Variants in THADA observed in about 807,000 individuals in gnomAD.
THADA encodes the protein tRNA (32-2'-O)-methyltransferase regulator THADA.
In THADA, 213 loss-of-function variants were observed where a neutral mutation model predicts 219.8. The ratio of observed to expected loss-of-function variants is 0.97; its 90% confidence interval spans 0.87 to 1.09. THADA has a LOEUF of 1.09. Ranked by LOEUF, THADA falls within the 50% of genes least tolerant of loss-of-function variation. The pLI is 0.00. For synonymous variants in THADA, 1,018 were observed against 828.9 expected (o/e 1.23, Z -3.92); for missense variants, 2,956 against 2,311.3 (o/e 1.28, Z -5.72).
intron 35 of THADA, among the ~76,000 whole-genome samples, chr2:43,284,623 GA>G (rs1292685716): frequency 6.6e-6 from 1 of 152,216 alleles, no homozygotes; most frequent in African/African-American, 2.4e-5. Context: ...TATAGACGGG[GA>G]AATGTGGGGT....
intron 22 of THADA, among the ~76,000 whole-genome samples, chr2:43,511,428 CA>C (rs1429415154): frequency 2.6e-5 from 4 of 152,190 alleles, no homozygotes; most frequent in Non-Finnish European, 5.9e-5. Flanking sequence ...TAGAACATCT[CA>C]CTATGCATCA....
chr2:43,410,874 A>G (rs370465241), intron 28 of THADA, among the ~76,000 whole-genome samples: 24 of 152,190 alleles, frequency 1.6e-4, no homozygotes, highest in East Asian at 9.6e-4. Flanking sequence ...TTGTACCCCA[A>G]TAAAGTTGTT....
intron 31 of THADA, among the ~76,000 whole-genome samples, chr2:43,301,301 A>G (rs1676235778): frequency 6.6e-6 from 1 of 152,252 alleles, no homozygotes; most frequent in Non-Finnish European, 1.5e-5. Flanking sequence ...TCAAATAAAA[A>G]CACCAAAGGA....
At chr2:43,484,303 G>A (rs929586806) in intron 26 of THADA, 1 of 168,044 alleles carries the variant, frequency 6.0e-6, no homozygotes, top group Non-Finnish European at 1.5e-5. Context: ...TAATTCCTAA[G>A]ATTTAGTTCC....
At chr2:43,426,572 T>C (rs113293043) in intron 28 of THADA, among the ~76,000 whole-genome samples, 18 of 152,322 alleles carry the variant, frequency 1.2e-4, no homozygotes, top group African/African-American at 4.3e-4. Context: ...TAACTTTGTA[T>C]ATCAGGAAAC....
intron 10 of THADA, among the ~76,000 whole-genome samples, chr2:43,576,566 A>T (rs908115243): frequency 2.0e-5 from 3 of 152,364 alleles, no homozygotes; most frequent in Middle Eastern, 3.4e-3. Context: ...ACATATAAAA[A>T]TTTTTATAGT....
At chr2:43,569,696 A>G (rs1699086665) in intron 14 of THADA, among the ~76,000 whole-genome samples, 1 of 149,228 alleles carries the variant, frequency 6.7e-6, no homozygotes, top group African/African-American at 2.5e-5. Flanking sequence ...TAATCTATTA[A>G]TCTACCTCTT....
chr2:43,503,804 T>TAA (rs1689319741), intron 24 of THADA, among the ~76,000 whole-genome samples: 1 of 152,118 alleles, frequency 6.6e-6, no homozygotes. Context: ...AAATGATCAC[T>TAA]AAAATGCCAT....
rs1178915152 is a variant in THADA, at chr2:43,574,418, G to T, written c.1647C>A (p.Tyr549Ter). ...LDQKSYVIDYYLPKLLSYSPE... is the reference protein window; with the variant it reads ...LDQKSYVIDY The stretch of plus-strand genomic sequence containing the variant: ...GGCTGTAACTTAATAATTTTGGCAA[G>T]TAATAATCAATCACGTAAGATTTTT... The change falls in exon 11 of 38, where the codon TAC becomes TAA. Residue 549 changes from tyrosine to a stop codon, truncating the protein, a stop_gained. Coordinates refer to ENST00000405975, the MANE Select transcript of THADA (RefSeq NM_022065.5). LOFTEE classifies it high-confidence loss of function. 1.9e-6 allele frequency: 3 copies of T among 1,610,760 alleles called. No homozygotes were observed. Among genetic ancestry groups the T allele is most frequent in the Non-Finnish European group, 2.5e-6 (3 of 1,178,222 alleles).
In THADA at chr2:43,293,198, C is replaced by T. The variant is rs774309088; in HGVS notation, c.4454G>A (p.Gly1485Asp). The T allele has an allele frequency of 1.2e-6, 2 of 1,609,512 alleles. No homozygotes were observed. Among genetic ancestry groups the T allele is most frequent in the South Asian group, 1.1e-5 (1 of 90,914 alleles). ...KDNQPVLESL[G>D]FWEEVRGIIS... is the part of the protein sequence containing the mutation. The stretch of plus-strand genomic sequence containing the variant: ...AATCCCTCTGACTTCCTCCCAGAAG[C>T]CAAGACTCTCCAGAACTAAGAAGCA... The change falls in exon 32 of 38, where the codon GGC becomes GAC. Residue 1485 changes from glycine to aspartate, a missense_variant. Transcript: ENST00000405975.
chr2:43,272,622 G>C (rs116610429), intron 36 of THADA, among the ~76,000 whole-genome samples: 1,378 of 133,010 alleles, frequency 0.01, 29 homozygotes, highest in African/African-American at 0.036. Context: ...TTGGTTTTGT[G>C]CTTTTTTTTT....
At chr2:43,565,963 CTGAA>C in intron 15 of THADA, 1 of 153,386 alleles carries the variant, frequency 6.5e-6, no homozygotes, top group Non-Finnish European at 1.4e-5. Flanking sequence ...CGGCATGCGC[CTGAA>C]GTCCCAGCTA....
chr2:43,514,797 CAA>C (rs1332506130), intron 22 of THADA, among the ~76,000 whole-genome samples: 1 of 58,908 alleles, frequency 1.7e-5, no homozygotes, highest in African/African-American at 8.5e-5. Context: ...ATAATATGTA[CAA>C]TATATATTTT....
At chr2:43,280,272 T>C (rs1352364917) in intron 35 of THADA, among the ~76,000 whole-genome samples, 4 of 152,168 alleles carry the variant, frequency 2.6e-5, no homozygotes, top group Non-Finnish European at 5.9e-5. Context: ...CCAGTGTTGA[T>C]TCAAGTGTCT....
intron 26 of THADA, among the ~76,000 whole-genome samples, chr2:43,455,041 T>G (rs1313222435): frequency 6.6e-6 from 1 of 152,174 alleles, no homozygotes; most frequent in Non-Finnish European, 1.5e-5. Flanking sequence ...GTTCTTAAGC[T>G]ACTTGATAAT....
intron 31 of THADA, among the ~76,000 whole-genome samples, chr2:43,299,424 C>A (rs1310157063): frequency 6.6e-6 from 1 of 151,938 alleles, no homozygotes; most frequent in African/African-American, 2.4e-5. Flanking sequence ...TTTGGGAGGC[C>A]GAGGCGGGCA....
At chr2:43,583,237 T>C (rs1294621870) in intron 7 of THADA, among the ~76,000 whole-genome samples, 1 of 152,244 alleles carries the variant, frequency 6.6e-6, no homozygotes, top group African/African-American at 2.4e-5. Context: ...ACCTGCTGCA[T>C]CTTTATCCTA....
At chr2:43,235,582 G>A (rs530724520) in intron 36 of THADA, among the ~76,000 whole-genome samples, 1 of 152,142 alleles carries the variant, frequency 6.6e-6, no homozygotes, top group Non-Finnish European at 1.5e-5. Flanking sequence ...ATGAGCCACT[G>A]TACCTGGCCT....
At chr2:43,499,232 C>T (rs772683341) in intron 24 of THADA, among the ~76,000 whole-genome samples, 5 of 152,152 alleles carry the variant, frequency 3.3e-5, no homozygotes, top group South Asian at 2.1e-4. Context: ...ACATTCTTTT[C>T]GAGCACACAT....
Sources: gnomAD v4.1 joint callset for allele counts (sites outside exome capture counted in the v4.1 genomes callset) on GRCh38, gnomAD v4.1.1 for gene constraint, MANE v1.5 for transcripts, NCBI Gene and HGNC (gene_info 2026-07-23, HGNC 2026-07-21) for gene names.